Variants in DLC1 observed in about 807,000 individuals in gnomAD.
The protein encoded by DLC1 is DLC1 Rho GTPase activating protein.
A neutral mutation model predicts 140.3 loss-of-function variants in DLC1; 54 were observed. The ratio of observed to expected loss-of-function variants is 0.38; its 90% CI spans 0.31 to 0.48. DLC1 has a LOEUF of 0.48. Among genes scored for constraint, DLC1 ranks in the 20% least tolerant of loss-of-function variants. The pLI, the probability that DLC1 is intolerant of heterozygous loss-of-function variation, is 0.96. For missense variants in DLC1, 2,536 were observed against 1,907.0 expected (o/e 1.33, Z -6.14); for synonymous variants, 986 against 728.1 (o/e 1.35, Z -5.70).
intron 4 of DLC1, among the ~76,000 whole-genome samples, chr8:13,308,907 T>C (rs982965224): frequency 9.2e-5 from 14 of 152,152 alleles, no homozygotes; most frequent in African/African-American, 3.4e-4. Context: ...TGTCCTGAGG[T>C]CCCATCATGT....
intron 2 of DLC1, among the ~76,000 whole-genome samples, chr8:13,454,360 A>C (rs1799295012): frequency 6.6e-6 from 1 of 152,200 alleles, no homozygotes; most frequent in African/African-American, 2.4e-5. Flanking sequence ...CTGTCTTCCT[A>C]AAATACTATA....
chr8:13,468,656 T>C (rs1323179888), intron 2 of DLC1, among the ~76,000 whole-genome samples: 3 of 151,696 alleles, frequency 2.0e-5, no homozygotes, highest in South Asian at 4.2e-4. Context: ...GTTACAGAGG[T>C]GCATCAGCAT....
At chr8:13,369,945 A>T (rs942922394) in intron 4 of DLC1, among the ~76,000 whole-genome samples, 2 of 151,426 alleles carry the variant, frequency 1.3e-5, no homozygotes, top group Admixed American at 6.6e-5. Flanking sequence ...AGGAAAAAAA[A>T]GTCAAAGTCC....
At chr8:13,472,260 G>T (rs1366584065) in intron 2 of DLC1, among the ~76,000 whole-genome samples, 1 of 152,088 alleles carries the variant, frequency 6.6e-6, no homozygotes, top group African/African-American at 2.4e-5. Flanking sequence ...AAAGATTGCT[G>T]TTCTCAGTAC....
At chr8:13,133,698 G>A (rs954711790) in intron 5 of DLC1, among the ~76,000 whole-genome samples, 1 of 152,012 alleles carries the variant, frequency 6.6e-6, no homozygotes, top group Non-Finnish European at 1.5e-5. Flanking sequence ...GGAGGTGTCC[G>A]GCCTGGACCC....
In DLC1 at chr8:13,401,534, T is replaced by C; in HGVS notation, c.1109A>G (p.Glu370Gly). The change falls in exon 3 of 18, where the codon GAA becomes GGA. Residue 370 changes from glutamate to glycine, a missense_variant. Transcript: ENST00000276297. ...MKLDQLDQDI[E>G]NALSTSSSPS... ...AGAGGAGCTGGTGCTGAGGGCATTT[T>C]CTATGTCCTGATCAAGCTGGTCCAG... is the stretch of plus-strand genomic sequence containing the variant. 1 of 1,613,398 alleles carries C rather than the reference T, an allele frequency of 6.2e-7. No homozygotes were observed. Among genetic ancestry groups the C allele is most frequent in the Non-Finnish European group, 8.5e-7 (1 of 1,180,010 alleles).
chr8:13,469,123 T>C (rs1307816009), intron 2 of DLC1, among the ~76,000 whole-genome samples: 2 of 152,186 alleles, frequency 1.3e-5, no homozygotes, highest in African/African-American at 2.4e-5. Flanking sequence ...CCAGCCTGTG[T>C]CTGCTTTTTA....
At chr8:13,207,629 A>G (rs550690265) in intron 5 of DLC1, among the ~76,000 whole-genome samples, 1 of 152,290 alleles carries the variant, frequency 6.6e-6, no homozygotes, top group South Asian at 2.1e-4. Context: ...TACACCATAT[A>G]TTAGTGCAGT....
At chr8:13,539,090 C>G (rs557768368) in intron 1 of DLC1, among the ~76,000 whole-genome samples, 2 of 152,166 alleles carry the variant, frequency 1.3e-5, no homozygotes, top group Middle Eastern at 3.4e-3. Context: ...ATTTCACATT[C>G]TCCTATCACA....
chr8:13,567,075 T>A (rs542490022), intron 1 of DLC1: 1 of 1,551,772 alleles, frequency 6.4e-7, no homozygotes, highest in East Asian at 2.4e-5. Flanking sequence ...TGAAGAACTC[T>A]ACTGATGAGG....
chr8:13,184,393 G>T (rs144300953), intron 5 of DLC1, among the ~76,000 whole-genome samples: 2 of 151,868 alleles, frequency 1.3e-5, no homozygotes, highest in Non-Finnish European at 2.9e-5. Flanking sequence ...GTGATGTTAC[G>T]GTGTCAATTT....
chr8:13,530,945 C>G (rs1803075333), intron 1 of DLC1, among the ~76,000 whole-genome samples: 1 of 152,028 alleles, frequency 6.6e-6, no homozygotes, highest in Non-Finnish European at 1.5e-5. Context: ...GCTTTAATCC[C>G]CAATGTGATG....
intron 5 of DLC1, among the ~76,000 whole-genome samples, chr8:13,271,143 A>G (rs892370151): frequency 3.3e-5 from 5 of 152,198 alleles, no homozygotes; most frequent in African/African-American, 1.2e-4. Flanking sequence ...ATCTAGATAC[A>G]TGTTCACATT....
chr8:13,481,040 A>G (rs1464076139), intron 2 of DLC1, among the ~76,000 whole-genome samples: 2 of 152,268 alleles, frequency 1.3e-5, no homozygotes, highest in Non-Finnish European at 2.9e-5. Context: ...AAGATGGCAG[A>G]GAATAAAGGA....
intron 10 of DLC1, chr8:13,095,844 A>G (rs1029825622): frequency 6.5e-6 from 1 of 152,702 alleles, no homozygotes; most frequent in Non-Finnish European, 1.5e-5. Context: ...AGCCTAACAC[A>G]ATGGGAGCCA....
intron 2 of DLC1, among the ~76,000 whole-genome samples, chr8:13,434,548 TTTGGC>T (rs1266825236): frequency 6.6e-6 from 1 of 152,086 alleles, no homozygotes; most frequent in Admixed American, 6.5e-5. Flanking sequence ...CAAAGAAGGA[TTTGGC>T]TGGGGACCTA....
intron 4 of DLC1, among the ~76,000 whole-genome samples, chr8:13,353,876 T>C (rs1353883132): frequency 6.6e-6 from 1 of 151,306 alleles, no homozygotes; most frequent in Non-Finnish European, 1.5e-5. Flanking sequence ...AAAAAAAAGA[T>C]TTTTCTCAAA....
intron 4 of DLC1, among the ~76,000 whole-genome samples, chr8:13,385,107 A>G (rs1222021434): frequency 1.3e-5 from 2 of 152,128 alleles, no homozygotes; most frequent in Non-Finnish European, 2.9e-5. Context: ...CCTAGAGTGC[A>G]TGGTGGGAGC....
intron 2 of DLC1, among the ~76,000 whole-genome samples, chr8:13,408,183 T>C (rs1051117872): frequency 2.6e-5 from 4 of 152,208 alleles, no homozygotes; most frequent in Admixed American, 1.3e-4. Flanking sequence ...TTGCTAGATA[T>C]ATTCCGTTCA....
Sources: allele counts gnomAD v4.1 joint callset (sites outside exome capture counted in the v4.1 genomes callset), GRCh38; gene constraint gnomAD v4.1.1; transcripts MANE v1.5; gene names NCBI Gene and HGNC (gene_info 2026-07-23, HGNC 2026-07-21).